DSCAM: variants seen among roughly 807,000 people sequenced by gnomAD.
The protein encoded by DSCAM is cell adhesion molecule DSCAM.
In DSCAM, 47 loss-of-function variants were observed where a neutral mutation model predicts 217.7. The ratio of observed to expected loss-of-function variants is 0.22; its 90% CI spans 0.17 to 0.28. The LOEUF is 0.28. DSCAM is among the 10% of genes least tolerant of loss of function. DSCAM has a pLI of 1.00. For synonymous variants in DSCAM, 1,056 were observed against 1,015.3 expected, an observed-to-expected ratio of 1.04 and a Z score of -0.76; for missense variants, 2,080 against 2,618.3, an observed-to-expected ratio of 0.79 and a Z score of 4.49.
chr21:40,172,323 C>T (rs1192080215), intron 15 of DSCAM, among the ~76,000 whole-genome samples: 1 of 152,256 alleles, frequency 6.6e-6, no homozygotes, highest in Non-Finnish European at 1.5e-5. Flanking sequence ...AAATCCAAAA[C>T]TCTTCGATCT....
intron 15 of DSCAM, among the ~76,000 whole-genome samples, chr21:40,174,325 T>G (rs939592391): frequency 1.3e-5 from 2 of 152,140 alleles, no homozygotes; most frequent in Admixed American, 1.3e-4. Context: ...ACTGAGTAGT[T>G]TGGGGTTGGA....
intron 32 of DSCAM, among the ~76,000 whole-genome samples, chr21:40,029,812 CACTTACCTAT>C (rs2088482540): frequency 6.6e-6 from 1 of 152,104 alleles, no homozygotes; most frequent in Non-Finnish European, 1.5e-5. Flanking sequence ...CCCCCAGCTT[CACTTACCTAT>C]ATCTCCCTCA....
At chr21:40,420,424 T>A (rs2075412371) in intron 3 of DSCAM, among the ~76,000 whole-genome samples, 1 of 152,182 alleles carries the variant, frequency 6.6e-6, no homozygotes, top group Non-Finnish European at 1.5e-5. Context: ...AATCAGCTTT[T>A]GTTTTCAAAA....
chr21:40,420,047 T>C lies in DSCAM; in HGVS notation c.509-50802A>G, dbSNP rs531143297. 8.5e-5 allele frequency among the ~76,000 whole-genome samples: 13 copies of C among 152,172 alleles called. No homozygotes were observed. In the South Asian group the frequency reaches 2.7e-3, roughly 32 times the overall value. ...ATGACATATTAAGGGACTGATAATATAATAAAACAAAAAAATTAGGCACAA... is the reference window on the plus strand; with the variant it reads ...ATGACATATTAAGGGACTGATAATACAATAAAACAAAAAAATTAGGCACAA... On this transcript the variant is annotated intron_variant, in intron 3 of 32. Coordinates refer to ENST00000400454, the MANE Select transcript of DSCAM (RefSeq NM_001389.5).
chr21:40,072,599 T>C (rs746763529), intron 27 of DSCAM, among the ~76,000 whole-genome samples: 21 of 152,048 alleles, frequency 1.4e-4, no homozygotes, highest in Admixed American at 2.6e-4. Context: ...CCGCCCACCT[T>C]GGCCTCCCAA....
chr21:40,551,360 T>C (rs183269437), intron 3 of DSCAM, among the ~76,000 whole-genome samples: 4 of 152,332 alleles, frequency 2.6e-5, no homozygotes, highest in East Asian at 1.9e-4. Flanking sequence ...TTCCAACCAA[T>C]TATTATCTAA....
chr21:40,431,297 C>A (rs566481629), intron 3 of DSCAM, among the ~76,000 whole-genome samples: 1 of 152,336 alleles, frequency 6.6e-6, no homozygotes, highest in South Asian at 2.1e-4. Context: ...TCCTTCTCCC[C>A]CTTCCTCCTC....
At chr21:40,459,164 T>C (rs573017675) in intron 3 of DSCAM, among the ~76,000 whole-genome samples, 1 of 152,238 alleles carries the variant, frequency 6.6e-6, no homozygotes, top group South Asian at 2.1e-4. Flanking sequence ...AACAGAATGA[T>C]GTTAGAGCTA....
In DSCAM at chr21:40,620,518, A is replaced by AGCAG. The variant is rs140544756; in HGVS notation, c.508+72288_508+72291dup. ...GAGAGGGAGGGAGGGGAGGAAGGCA[A>AGCAG]GCAGGCAGGCAGGCAGGCAGGCAAT... On this transcript the variant is annotated intron_variant, in intron 3 of 32. Coordinates refer to ENST00000400454, the MANE Select transcript of DSCAM (RefSeq NM_001389.5). Among the ~76,000 whole-genome samples the AGCAG allele has an allele frequency of 7.7e-4, 116 of 150,324 alleles. 1 individual carries two copies. The highest frequency in any genetic ancestry group is 3.4e-3 in the Middle Eastern group (1 of 292).
At chr21:40,559,549 C>T (rs1030158264) in intron 3 of DSCAM, among the ~76,000 whole-genome samples, 14 of 151,682 alleles carry the variant, frequency 9.2e-5, no homozygotes, top group African/African-American at 3.4e-4. Context: ...TTGAGCACCT[C>T]TCAGGATCCA....
chr21:40,598,562 T>A (rs1163922208), intron 3 of DSCAM, among the ~76,000 whole-genome samples: 2 of 131,794 alleles, frequency 1.5e-5, no homozygotes, highest in African/African-American at 5.7e-5. Flanking sequence ...TACAGTGCAG[T>A]GGCACGATCT....
chr21:40,501,689 T>G (rs1238324270), intron 3 of DSCAM, among the ~76,000 whole-genome samples: 1 of 152,190 alleles, frequency 6.6e-6, no homozygotes. Context: ...CCTCCCGGGT[T>G]CAAGCGATTC....
At chr21:40,530,943 A>G (rs1030287661) in intron 3 of DSCAM, among the ~76,000 whole-genome samples, 5 of 115,052 alleles carry the variant, frequency 4.3e-5, no homozygotes, top group Non-Finnish European at 7.0e-5. Flanking sequence ...CCATCCATCC[A>G]TCCATCCATC....
intron 29 of DSCAM, among the ~76,000 whole-genome samples, chr21:40,052,587 T>G (rs8129730): frequency 7.2e-5 from 11 of 152,208 alleles, no homozygotes; most frequent in Non-Finnish European, 1.2e-4. Context: ...TTTGCTCTCA[T>G]TCTGAACTTG....
At chr21:40,272,409 C>A (rs1289937991) in intron 11 of DSCAM, among the ~76,000 whole-genome samples, 1 of 152,198 alleles carries the variant, frequency 6.6e-6, no homozygotes, top group African/African-American at 2.4e-5. Context: ...CTTTCCATGA[C>A]AATTCCATAC....
At chr21:40,046,328 C>T (rs1257663864) in intron 30 of DSCAM, among the ~76,000 whole-genome samples, 1 of 152,188 alleles carries the variant, frequency 6.6e-6, no homozygotes, top group Non-Finnish European at 1.5e-5. Flanking sequence ...CCTAAATCAT[C>T]AGAATACTCA....
intron 14 of DSCAM, among the ~76,000 whole-genome samples, chr21:40,182,540 C>A (rs1015225028): frequency 1.3e-5 from 2 of 150,640 alleles, no homozygotes; most frequent in Non-Finnish European, 3.0e-5. Flanking sequence ...CAGAGGCCAA[C>A]AGAGAAACCG....
intron 11 of DSCAM, among the ~76,000 whole-genome samples, chr21:40,193,433 T>C (rs1882794): frequency 0.068 from 10,322 of 152,180 alleles, 1,107 homozygotes; most frequent in African/African-American, 0.23. Flanking sequence ...TGTGAATAAA[T>C]AAATTACAGG....
intron 4 of DSCAM, among the ~76,000 whole-genome samples, chr21:40,361,461 C>T (rs151098269): frequency 0.013 from 1,955 of 152,004 alleles, 43 homozygotes; most frequent in African/African-American, 0.045. Context: ...TCTACTAAAA[C>T]ACAAAAAATT....
Sources: gnomAD v4.1 joint callset for allele counts (sites outside exome capture counted in the v4.1 genomes callset) on GRCh38, gnomAD v4.1.1 for gene constraint, MANE v1.5 for transcripts, NCBI Gene and HGNC (gene_info 2026-07-23, HGNC 2026-07-21) for gene names.